The following GHR variants were observed in gnomAD, a reference collection of about 807,000 sequenced individuals.
GHR encodes the protein GH receptor.
Under a neutral mutation model 67.1 loss-of-function variants are expected in GHR, and 35 were observed. The observed-to-expected ratio is 0.52, with a 90% CI of 0.40 to 0.69. GHR has a LOEUF of 0.69. Ranked by LOEUF, GHR falls within the 30% of genes least tolerant of loss-of-function variation. The pLI is 0.00. For synonymous variants in GHR, 272 were observed against 269.1 expected (o/e 1.01, Z -0.10); for missense variants, 792 against 764.6 (o/e 1.04, Z -0.42).
At chr5:42,468,522 C>T in intron 1 of GHR, 2 of 794,552 alleles carry the variant, frequency 2.5e-6, no homozygotes, top group Non-Finnish European at 4.1e-6. Context: ...AGGACCTCAG[C>T]TCCTACTGGC....
chr5:42,587,881 C>T (rs568408080), intron 2 of GHR, among the ~76,000 whole-genome samples: 32 of 152,246 alleles, frequency 2.1e-4, no homozygotes, highest in Non-Finnish European at 3.7e-4. Context: ...CTCTTCCACA[C>T]TCTGGGTCAC....
Position 42,550,041 on chromosome 5 carries a change from G to A in GHR, c.-11-15823G>A, listed in dbSNP as rs566127281. 1.3e-4 allele frequency: 120 copies of A among 907,494 alleles called. 1 individual carries two copies. In the South Asian group the frequency reaches 5.1e-3, roughly 39 times the overall value. The allele number at this position is 907,494 out of a possible 1,614,324, so 56.2% of individuals were successfully genotyped here. On this transcript the variant is annotated intron_variant, in intron 1 of 9. Coordinates refer to ENST00000230882, the MANE Select transcript of GHR (RefSeq NM_000163.5). ...CAAAGAGCCAGGTCACCTTGTGCCC[G>A]CACTTGTTATGATTTGTTTGTATTG...
At chr5:42,713,641 T>C in intron 8 of GHR, 122 bp downstream of exon 8, 1 of 687,862 alleles carries the variant, frequency 1.5e-6, no homozygotes, top group East Asian at 2.6e-5. Flanking sequence ...GTTAACCTAG[T>C]ACACTTTTAT....
intron 2 of GHR, among the ~76,000 whole-genome samples, chr5:42,626,084 A>G (rs1249576733): frequency 6.6e-6 from 1 of 152,180 alleles, no homozygotes; most frequent in Non-Finnish European, 1.5e-5. Flanking sequence ...CAAGATAAAA[A>G]ATCGGAACTT....
intron 2 of GHR, among the ~76,000 whole-genome samples, chr5:42,568,083 T>A (rs910010076): frequency 6.6e-6 from 1 of 152,144 alleles, no homozygotes; most frequent in Non-Finnish European, 1.5e-5. Flanking sequence ...GGGTAAGTGA[T>A]CTTGGAAGCA....
In GHR at chr5:42,424,492, G is replaced by A; in HGVS notation, c.-12+537G>A. On this transcript the variant is annotated intron_variant, in intron 1 of 9. Transcript: ENST00000230882. This position sits in a 1 kb window ranked among gnomAD's most constrained non-coding sequence, Gnocchi z 4.1. ...GTCGAGCTGTGCGCGTGGACACAGC[G>A]CGCAGAGCGCGCGGTCTTTTGCGCG... 1 of 1,046,950 alleles carries A rather than the reference G, an allele frequency of 9.6e-7. No individual in the cohort carries two copies. The highest frequency in any genetic ancestry group is 1.4e-6 in the Non-Finnish European group (1 of 702,676). The allele number at this position is 1,046,950 out of a possible 1,614,324, so 64.9% of individuals were successfully genotyped here.
At chr5:42,710,446 G>A (rs923852634) in intron 6 of GHR, among the ~76,000 whole-genome samples, 6 of 151,990 alleles carry the variant, frequency 3.9e-5, no homozygotes, top group Admixed American at 6.6e-5. Context: ...ATCACTAGTT[G>A]AGTATACCTC....
rs1748795813 is a variant in GHR at position 42,547,556 on chromosome 5, TC to T, written c.-11-18307del. 3.9e-5 allele frequency among the ~76,000 whole-genome samples: 6 copies of T among 152,320 alleles called. No homozygotes were observed. The South Asian group carries it at 1.2e-3, about 32-fold the overall frequency. ...CCTTTTAGTTGACTTGTGAGCCCTT[TC>T]TAAAGGAGATCTATTTCCCTCTACT... On this transcript the variant is annotated intron_variant, in intron 1 of 9. Transcript: ENST00000230882.
At chr5:42,556,413 G>A (rs1749313206) in intron 1 of GHR, among the ~76,000 whole-genome samples, 1 of 152,064 alleles carries the variant, frequency 6.6e-6, no homozygotes, top group Non-Finnish European at 1.5e-5. Context: ...TCAAATTTGA[G>A]TCTGAAGAAA....
intron 3 of GHR, among the ~76,000 whole-genome samples, chr5:42,687,349 G>C (rs1417663425): frequency 3.3e-5 from 5 of 152,176 alleles, no homozygotes; most frequent in African/African-American, 1.2e-4. Flanking sequence ...CCAAAAATGA[G>C]CCTGCATAGC....
chr5:42,620,291 G>A (rs1753377097), intron 2 of GHR, among the ~76,000 whole-genome samples: 1 of 152,016 alleles, frequency 6.6e-6, no homozygotes, highest in African/African-American at 2.4e-5. Flanking sequence ...AAATCATAAT[G>A]CCTCACAACA....
chr5:42,586,781 T>C (rs748332530), intron 2 of GHR, among the ~76,000 whole-genome samples: 4 of 152,132 alleles, frequency 2.6e-5, no homozygotes, highest in Non-Finnish European at 4.4e-5. Flanking sequence ...GGCCGTGAAT[T>C]ACGTCTGAGC....
At chr5:42,471,855 A>G (rs1449063399) in intron 1 of GHR, among the ~76,000 whole-genome samples, 1 of 152,194 alleles carries the variant, frequency 6.6e-6, no homozygotes, top group African/African-American at 2.4e-5. Flanking sequence ...CCAGAACCCT[A>G]ATGGAGAACT....
At chr5:42,712,389 A>T (rs1034228806) in intron 7 of GHR, among the ~76,000 whole-genome samples, 2 of 152,070 alleles carry the variant, frequency 1.3e-5, no homozygotes, top group Non-Finnish European at 2.9e-5. Context: ...CTTAACATAT[A>T]TTTTTTAAAC....
chr5:42,499,410 G>A (rs1394980020), intron 1 of GHR, among the ~76,000 whole-genome samples: 2 of 152,150 alleles, frequency 1.3e-5, no homozygotes, highest in Non-Finnish European at 2.9e-5. Flanking sequence ...GGCCTGGGTG[G>A]TGCCTGTTGT....
At chr5:42,705,805 T>A (rs1013440920) in intron 6 of GHR, among the ~76,000 whole-genome samples, 1 of 152,052 alleles carries the variant, frequency 6.6e-6, no homozygotes, top group African/African-American at 2.4e-5. Context: ...CAGTGTACCA[T>A]TTTCTTTATT....
intron 6 of GHR, among the ~76,000 whole-genome samples, chr5:42,710,054 A>G (rs1758378843): frequency 6.6e-6 from 1 of 152,182 alleles, no homozygotes; most frequent in South Asian, 2.1e-4. Flanking sequence ...TTTAAAAAAA[A>G]AACTTAAGAA....
chr5:42,462,380 T>G (rs963916425), intron 1 of GHR, among the ~76,000 whole-genome samples: 1 of 152,184 alleles, frequency 6.6e-6, no homozygotes, highest in Non-Finnish European at 1.5e-5. Flanking sequence ...TAAGCAAAAT[T>G]TAATAGTACT....
chr5:42,545,668 T>C (rs906592857), intron 1 of GHR, among the ~76,000 whole-genome samples: 1 of 152,224 alleles, frequency 6.6e-6, no homozygotes, highest in African/African-American at 2.4e-5. Flanking sequence ...AATCTTCATG[T>C]TTGTCTTACA....
Sources: allele counts gnomAD v4.1 joint callset (sites outside exome capture counted in the v4.1 genomes callset), GRCh38; gene constraint gnomAD v4.1.1; non-coding constraint Gnocchi (gnomAD v3.1); transcripts MANE v1.5; gene names NCBI Gene and HGNC (gene_info 2026-07-23, HGNC 2026-07-21).